Variants in CAP2 observed in about 807,000 individuals in gnomAD.
CAP2 encodes the protein adenylyl cyclase-associated protein 2.
Under a neutral mutation model 57.7 loss-of-function variants are expected in CAP2, and 24 were observed. The ratio of observed to expected loss-of-function variants is 0.42; its 90% confidence interval spans 0.30 to 0.58. The LOEUF is 0.58. Among genes scored for constraint, CAP2 ranks in the 20% least tolerant of loss-of-function variants. The probability of loss-of-function intolerance (pLI) is 0.22; values close to 1 mark genes in which losing one functional copy is unlikely to be tolerated. For missense variants in CAP2, 501 were observed against 590.3 expected (o/e 0.85, Z 1.57); for synonymous variants, 194 against 207.2 (o/e 0.94, Z 0.55).
chr6:17,460,691 G>C (rs1433485559), intron 3 of CAP2, among the ~76,000 whole-genome samples: 1 of 152,076 alleles, frequency 6.6e-6, no homozygotes, highest in Non-Finnish European at 1.5e-5. Context: ...TTATGGTGCA[G>C]AAACTTTTCT....
chr6:17,520,884 G>C (rs1336664116), intron 7 of CAP2, among the ~76,000 whole-genome samples: 1 of 152,180 alleles, frequency 6.6e-6, no homozygotes, highest in Non-Finnish European at 1.5e-5. Context: ...CCACACCTTA[G>C]GGGTATTAAT....
intron 3 of CAP2, among the ~76,000 whole-genome samples, chr6:17,461,490 G>T (rs1760718736): frequency 6.6e-6 from 1 of 151,824 alleles, no homozygotes; most frequent in Non-Finnish European, 1.5e-5. Flanking sequence ...GCCTCCCAAA[G>T]TGCTGAGATT....
At chr6:17,438,402 T>G (rs571394445) in intron 3 of CAP2, among the ~76,000 whole-genome samples, 11 of 149,222 alleles carry the variant, frequency 7.4e-5, no homozygotes, top group East Asian at 4.0e-4. Context: ...TATGTTGGTT[T>G]TTTTGTTTGC....
chr6:17,539,701 A>G (rs532447116), intron 8 of CAP2, among the ~76,000 whole-genome samples: 1 of 152,134 alleles, frequency 6.6e-6, no homozygotes, highest in Non-Finnish European at 1.5e-5. Context: ...TTCTAAATGG[A>G]CCACTGTGCT....
chr6:17,406,178 G>A (rs1758962378), intron 1 of CAP2, among the ~76,000 whole-genome samples: 2 of 151,952 alleles, frequency 1.3e-5, no homozygotes, highest in African/African-American at 2.4e-5. Context: ...TGGGATTCTC[G>A]CCACACACCT....
At chr6:17,433,391 G>A (rs943587474) in intron 3 of CAP2, among the ~76,000 whole-genome samples, 4 of 152,232 alleles carry the variant, frequency 2.6e-5, no homozygotes, top group African/African-American at 9.6e-5. Context: ...AAGTTGTCAT[G>A]GCAGCTGTGT....
At chr6:17,524,011 G>A (rs1762444501) in intron 7 of CAP2, among the ~76,000 whole-genome samples, 1 of 150,138 alleles carries the variant, frequency 6.7e-6, no homozygotes, top group Non-Finnish European at 1.5e-5. Context: ...AGGAGGCAGA[G>A]GTTGCAGTGA....
At chr6:17,458,040 A>C (rs1308771766) in intron 3 of CAP2, among the ~76,000 whole-genome samples, 1 of 152,210 alleles carries the variant, frequency 6.6e-6, no homozygotes, top group African/African-American at 2.4e-5. Flanking sequence ...CAAGCTGTGC[A>C]AAGTTGTATT....
chr6:17,519,647 G>C (rs779749618), intron 7 of CAP2, among the ~76,000 whole-genome samples: 6 of 152,140 alleles, frequency 3.9e-5, no homozygotes, highest in Non-Finnish European at 5.9e-5. Context: ...TAGCAGCACT[G>C]TTACTTAGGA....
intron 4 of CAP2, among the ~76,000 whole-genome samples, chr6:17,483,437 A>G (rs73721589): frequency 0.025 from 3,830 of 152,288 alleles, 147 homozygotes; most frequent in African/African-American, 0.081. Flanking sequence ...TGACGTAAAA[A>G]TGAAGGAGCG....
intron 4 of CAP2, chr6:17,493,282 C>A: frequency 4.8e-6 from 1 of 207,062 alleles, no homozygotes. Context: ...CTCATATAAC[C>A]CAAATAAGCC....
At chr6:17,438,217 T>G (rs1396508821) in intron 3 of CAP2, among the ~76,000 whole-genome samples, 1 of 149,738 alleles carries the variant, frequency 6.7e-6, no homozygotes, top group Non-Finnish European at 1.5e-5. Context: ...AATACAAAAA[T>G]TAGCTGGGCG....
intron 1 of CAP2, among the ~76,000 whole-genome samples, chr6:17,414,448 T>C (rs1006149240): frequency 2.6e-5 from 4 of 152,116 alleles, no homozygotes; most frequent in African/African-American, 9.7e-5. Flanking sequence ...TGTTTCTCTC[T>C]TTGTGTCCAT....
Position 17,410,572 on chromosome 6 carries a change from AT to A in CAP2, c.-1-10968del, listed in dbSNP as rs778249461. On this transcript the variant is annotated intron_variant, in intron 1 of 12. Transcript: ENST00000229922. ...AGAACAGCAAAGTTACTCAGATTTA[AT>A]TTTTTTTTTTTTTTGAGACGGAGTC... Among the ~76,000 whole-genome samples, 1,333 of 143,824 alleles carry A rather than the reference AT, an allele frequency of 9.3e-3. 15 individuals carry two copies. The highest frequency in any genetic ancestry group is 0.027 in the African/African-American group (1,060 of 39,496). The allele number at this position is 143,824 out of a possible 152,430, so 94.4% of individuals were successfully genotyped here. A position where few individuals can be genotyped will look rare whatever the true frequency, so the allele number is the denominator to read the frequency against.
intron 7 of CAP2, among the ~76,000 whole-genome samples, chr6:17,530,241 C>A (rs1380270435): frequency 6.6e-6 from 1 of 151,988 alleles, no homozygotes; most frequent in African/African-American, 2.4e-5. Context: ...CCACCACACC[C>A]GGCTAATTTT....
intron 1 of CAP2, among the ~76,000 whole-genome samples, chr6:17,398,862 T>C (rs902226127): frequency 6.6e-6 from 1 of 152,132 alleles, no homozygotes; most frequent in African/African-American, 2.4e-5. Flanking sequence ...TCAGTGGCAT[T>C]AAGCTCATTC....
At chr6:17,476,858 T>G (rs1761159456) in intron 4 of CAP2, among the ~76,000 whole-genome samples, 2 of 147,400 alleles carry the variant, frequency 1.4e-5, no homozygotes, top group Admixed American at 7.0e-5. Flanking sequence ...TCTTATTTTC[T>G]TACTTCTTTT....
At chr6:17,477,402 A>C (rs1313999949) in intron 4 of CAP2, among the ~76,000 whole-genome samples, 1 of 152,230 alleles carries the variant, frequency 6.6e-6, no homozygotes, top group Non-Finnish European at 1.5e-5. Flanking sequence ...TACATTGACT[A>C]TCTGTGTCCA....
At chr6:17,398,715 G>A (rs1304466838) in intron 1 of CAP2, among the ~76,000 whole-genome samples, 1 of 151,786 alleles carries the variant, frequency 6.6e-6, no homozygotes. Context: ...TAGTAGAGAC[G>A]GGATTTCACC....
Sources: gnomAD v4.1 joint callset for allele counts (sites outside exome capture counted in the v4.1 genomes callset) on GRCh38, gnomAD v4.1.1 for gene constraint, MANE v1.5 for transcripts, NCBI Gene and HGNC (gene_info 2026-07-23, HGNC 2026-07-21) for gene names.